The following FOXN3 variants were observed in gnomAD, a reference collection of about 807,000 sequenced individuals.
FOXN3 encodes the protein forkhead box N3, also known as forkhead box protein N3.
A neutral mutation model predicts 38.4 loss-of-function variants in FOXN3; 7 were observed. The ratio of observed to expected loss-of-function variants is 0.18; its 90% CI spans 0.10 to 0.34. The LOEUF is 0.34. Ranked by LOEUF, FOXN3 falls within the 10% of genes least tolerant of loss-of-function variation. The pLI is 1.00. For missense variants in FOXN3, 456 were observed against 613.4 expected (o/e 0.74, Z 2.71); for synonymous variants, 230 against 242.2 (o/e 0.95, Z 0.47).
intron 1 of FOXN3, among the ~76,000 whole-genome samples, chr14:89,538,813 C>T (rs1397101672): frequency 6.6e-6 from 1 of 151,946 alleles, no homozygotes; most frequent in Non-Finnish European, 1.5e-5. Flanking sequence ...GTCACCGCAC[C>T]TGGCCTTTTA....
chr14:89,328,943 G>A (rs1409011106), intron 3 of FOXN3, among the ~76,000 whole-genome samples: 1 of 152,200 alleles, frequency 6.6e-6, no homozygotes, highest in Admixed American at 6.5e-5. Context: ...TGGCACAGAA[G>A]GAAAAGAGGA....
intron 3 of FOXN3, among the ~76,000 whole-genome samples, chr14:89,340,459 T>C (rs372662773): frequency 2.0e-5 from 3 of 152,220 alleles, no homozygotes; most frequent in Non-Finnish European, 2.9e-5. Context: ...TAGGAATTAA[T>C]GTGGAATCTC....
chr14:89,343,010 G>A (rs1430383744), intron 3 of FOXN3, among the ~76,000 whole-genome samples: 2 of 152,156 alleles, frequency 1.3e-5, no homozygotes, highest in African/African-American at 4.8e-5. Flanking sequence ...CACTTGCAAT[G>A]ACACCACAAT....
intron 4 of FOXN3, among the ~76,000 whole-genome samples, chr14:89,273,271 T>G (rs1886206636): frequency 6.6e-6 from 1 of 152,176 alleles, no homozygotes; most frequent in Non-Finnish European, 1.5e-5. Flanking sequence ...TACTGAACAG[T>G]TACCCTGAAA....
chr14:89,308,401 C>T (rs749072232), intron 3 of FOXN3, among the ~76,000 whole-genome samples: 39 of 152,390 alleles, frequency 2.6e-4, no homozygotes, highest in Middle Eastern at 3.4e-3. Flanking sequence ...ATGTCCCGCA[C>T]CGTTCTGTGC....
intron 1 of FOXN3, among the ~76,000 whole-genome samples, chr14:89,586,021 G>C (rs924099354): frequency 6.6e-6 from 1 of 152,076 alleles, no homozygotes; most frequent in African/African-American, 2.4e-5. Context: ...ATCTCACTAC[G>C]TATGTATGTG....
rs1328639073 is a variant in FOXN3 at position 89,158,999 on chromosome 14, T to C, written c.*3415A>G. 3 of 152,650 alleles carry C rather than the reference T, an allele frequency of 2.0e-5. No homozygotes were observed. The highest frequency in any genetic ancestry group is 2.1e-4 in the South Asian group (1 of 4,822). 9.5% of individuals were successfully genotyped at this position (152,650 alleles called of 1,614,324 possible). A position where few individuals can be genotyped will look rare whatever the true frequency, so the allele number is the denominator to read the frequency against. ...TCAGGCGATCTGTCAGACTAATGGA[T>C]ACATATGCTAGTTTGGAAGCTAAAA... is the stretch of plus-strand genomic sequence containing the variant. On this transcript the variant is annotated 3_prime_UTR_variant, in exon 6 of 6. Coordinates refer to ENST00000557258, the MANE Select transcript of FOXN3 (RefSeq NM_005197.4).
At chr14:89,202,272 C>T (rs1888254787) in intron 4 of FOXN3, among the ~76,000 whole-genome samples, 1 of 152,184 alleles carries the variant, frequency 6.6e-6, no homozygotes, top group Admixed American at 6.5e-5. Context: ...TGTTCCCACA[C>T]CTGACACCTG....
At chr14:89,293,097 G>C (rs11159897) in intron 3 of FOXN3, among the ~76,000 whole-genome samples, 49,242 of 152,068 alleles carry the variant, frequency 0.32, 8,106 homozygotes, top group Admixed American at 0.39. Flanking sequence ...TTTCCTAGGA[G>C]AGTTTGTGGA....
chr14:89,526,891 G>C (rs1230776535), intron 1 of FOXN3, among the ~76,000 whole-genome samples: 3 of 152,136 alleles, frequency 2.0e-5, no homozygotes, highest in African/African-American at 4.8e-5. Context: ...CAACAAGACA[G>C]ACAAATGGAC....
chr14:89,212,930 AG>A (rs750432526), intron 4 of FOXN3, among the ~76,000 whole-genome samples: 18 of 152,168 alleles, frequency 1.2e-4, no homozygotes, highest in Non-Finnish European at 2.2e-4. Context: ...TAAAAAACTC[AG>A]GTCTTTTAAG....
chr14:89,325,344 C>CACTACCACCACTACCACTACCACCACT (rs764499359), intron 3 of FOXN3, among the ~76,000 whole-genome samples: 1 of 140,756 alleles, frequency 7.1e-6, no homozygotes, highest in Non-Finnish European at 1.5e-5. Context: ...CCACCACCAC[C>CACTACCACCACTACCACTACCACCACT]ACCACCACCA....
At chr14:89,362,786 C>CCACCACCAA (rs757161328) in intron 2 of FOXN3, among the ~76,000 whole-genome samples, 41 of 112,076 alleles carry the variant, frequency 3.7e-4, no homozygotes, top group African/African-American at 6.6e-4. Flanking sequence ...ACCACCACCA[C>CCACCACCAA]CACCATCTCC....
chr14:89,270,013 G>A (rs942614628), intron 4 of FOXN3, among the ~76,000 whole-genome samples: 2 of 152,108 alleles, frequency 1.3e-5, no homozygotes, highest in South Asian at 4.1e-4. Flanking sequence ...TGATTGATTC[G>A]CTGTGCTAAG....
intron 1 of FOXN3, among the ~76,000 whole-genome samples, chr14:89,575,588 A>G (rs923035200): frequency 1.3e-5 from 2 of 152,180 alleles, no homozygotes; most frequent in Non-Finnish European, 2.9e-5. Context: ...AAAACCACCA[A>G]GTATGTACAA....
chr14:89,335,569 C>G (rs1257732102), intron 3 of FOXN3, among the ~76,000 whole-genome samples: 1 of 152,154 alleles, frequency 6.6e-6, no homozygotes, highest in Non-Finnish European at 1.5e-5. Flanking sequence ...CAGAAATCAG[C>G]CAGGCATTTT....
rs1787696729 is a variant in FOXN3 at position 89,156,968 on chromosome 14, T to C, written c.*5446A>G. 1 of 152,572 alleles carries C rather than the reference T, an allele frequency of 6.6e-6. No individual in the cohort carries two copies. 9.5% of individuals were successfully genotyped at this position (152,572 alleles called of 1,614,324 possible). A position where few individuals can be genotyped will look rare whatever the true frequency, so the allele number is the denominator to read the frequency against. On this transcript the variant is annotated 3_prime_UTR_variant, in exon 6 of 6. Transcript: ENST00000557258. ...TGAAAGGATGAATACAATTTCTAGG[T>C]TTAATAGGTTCACCATATCGAAGTC...
In FOXN3 at chr14:89,505,948, C is replaced by G. The variant is rs1362534523; in HGVS notation, c.-14-93458G>C. On this transcript the variant is annotated intron_variant, in intron 1 of 6. Transcript: ENST00000345097. Reference sequence around the variant, plus strand: ...CGCCCCGTCTGAGAAGTGAGGAGACCCTCTGCCTGGCAACCGCCCCGTCTG... The same window carrying G: ...CGCCCCGTCTGAGAAGTGAGGAGACGCTCTGCCTGGCAACCGCCCCGTCTG... Among the ~76,000 whole-genome samples, 125 of 149,346 alleles carry G rather than the reference C, an allele frequency of 8.4e-4. 1 individual carries two copies. The highest frequency in any genetic ancestry group is 2.9e-3 in the African/African-American group (118 of 40,534).
chr14:89,283,434 C>T (rs1886522611), intron 3 of FOXN3, among the ~76,000 whole-genome samples: 1 of 152,170 alleles, frequency 6.6e-6, no homozygotes, highest in Non-Finnish European at 1.5e-5. Context: ...TTTCCCCCCT[C>T]CATCTGGAGA....
Sources: gnomAD v4.1 joint callset for allele counts (sites outside exome capture counted in the v4.1 genomes callset) on GRCh38, gnomAD v4.1.1 for gene constraint, MANE v1.5 for transcripts, NCBI Gene and HGNC (gene_info 2026-07-23, HGNC 2026-07-21) for gene names.